The following MCM10 variants were observed in gnomAD, a reference collection of about 807,000 sequenced individuals.
The protein encoded by MCM10 is protein MCM10 homolog.
In MCM10, 91 loss-of-function variants were observed where a neutral mutation model predicts 109.9. That is an observed-to-expected ratio of 0.83 (90% CI 0.70 to 0.99). The LOEUF (loss-of-function observed/expected upper bound fraction) is 0.99. MCM10 is among the 50% of genes least tolerant of loss of function. The probability of loss-of-function intolerance (pLI) is 0.00; values close to 1 mark genes in which losing one functional copy is unlikely to be tolerated. For synonymous variants in MCM10, 380 were observed against 387.2 expected (o/e 0.98, Z 0.22); for missense variants, 1,077 against 1,061.2 (o/e 1.01, Z -0.21).
intron 8 of MCM10, among the ~76,000 whole-genome samples, chr10:13,183,394 G>T (rs1310433192): frequency 6.6e-6 from 1 of 151,902 alleles, no homozygotes. Context: ...AGCCCTGATT[G>T]TGCCACTGCA....
intron 14 of MCM10, 98 bp from the exon 15 acceptor site, chr10:13,197,525 C>T: frequency 9.2e-7 from 1 of 1,081,788 alleles, no homozygotes; most frequent in Non-Finnish European, 1.3e-6. Flanking sequence ...CAGAGAACAG[C>T]CAGAATTCAC....
chr10:13,209,403 T>A lies in MCM10; in HGVS notation c.*93T>A. The A allele has an allele frequency of 2.0e-6, 2 of 981,084 alleles. No individual in the cohort carries two copies. Among genetic ancestry groups the A allele is most frequent in the Non-Finnish European group, 3.2e-6 (2 of 633,252 alleles). The allele number at this position is 981,084 out of a possible 1,614,324, so 60.8% of individuals were successfully genotyped here. A position where few individuals can be genotyped will look rare whatever the true frequency, so the allele number is the denominator to read the frequency against. ...TGTGTATTGTCCATTGATTCCTGAT[T>A]GACGCCGTCAAAAACAAATGCTTGT... On this transcript the variant is annotated 3_prime_UTR_variant, in exon 20 of 20. Coordinates refer to ENST00000378714, the MANE Select transcript of MCM10 (RefSeq NM_018518.5).
rs148825592 is a variant in MCM10, at chr10:13,171,036, C to T, written c.122C>T (p.Ala41Val). 312 of 1,614,186 alleles carry T rather than the reference C, an allele frequency of 1.9e-4. 3 individuals are homozygous for T. The East Asian group carries it at 6.9e-3, about 36-fold the overall frequency. ...ACGCGGGAAAATGGCGAGCCCGACGCATTTGATGAGCTCTTTGATGCCGAC... is the reference window on the plus strand; with the variant it reads ...ACGCGGGAAAATGGCGAGCCCGACGTATTTGATGAGCTCTTTGATGCCGAC... ...FLTRENGEPD[A>V]FDELFDADGD... The change falls in exon 3 of 20, where the codon GCA (alanine) becomes GTA (valine). Residue 41 changes from alanine to valine, a missense_variant. Physicochemically the swap from Ala to Val is moderately conservative, Grantham distance 64. Transcript: ENST00000378714.
intron 18 of MCM10, among the ~76,000 whole-genome samples, chr10:13,205,138 G>A (rs1231330149): frequency 6.6e-6 from 1 of 150,960 alleles, no homozygotes; most frequent in Non-Finnish European, 1.5e-5. Flanking sequence ...TTTTAGTGTA[G>A]CCATCACCTG....
chr10:13,198,837 TGATGTCC>T, intron 16 of MCM10, 30 bp downstream of exon 16: 1 of 1,390,988 alleles, frequency 7.2e-7, no homozygotes. Flanking sequence ...AGGATGGTGT[TGATGTCC>T]GATGTCCTTC....
chr10:13,170,834 A>T, intron 2 of MCM10, 88 bp from the exon 3 acceptor site: 1 of 1,156,646 alleles, frequency 8.6e-7, no homozygotes, highest in Non-Finnish European at 1.2e-6. Context: ...AGTTTCTCTT[A>T]CCCCCATGGG....
At chr10:13,196,973 G>A (rs934842285) in intron 14 of MCM10, among the ~76,000 whole-genome samples, 1 of 152,076 alleles carries the variant, frequency 6.6e-6, no homozygotes, top group Non-Finnish European at 1.5e-5. Context: ...CTCCCAGGCT[G>A]GTGTACAGTG....
rs564717871 is a variant in MCM10 at position 13,201,494 on chromosome 10, A to G, written c.2312A>G (p.Asn771Ser). ...GAACAAATGGAAGAAAAGATGAGAA[A>G]CATCAGAGAAGTGAAGTGCCGTGTC... ...KKEQMEEKMR[N>S]IREVKCRVVT... Residue 771 changes from asparagine (N) to serine (S), a missense_variant, in exon 17 of 20, where the codon AAC (asparagine) becomes AGC (serine). Transcript: ENST00000378714. 6.2e-7 allele frequency: 1 copy of G among 1,612,764 alleles called. No homozygotes were observed. The highest frequency in any genetic ancestry group is 8.5e-7 in the Non-Finnish European group (1 of 1,179,374).
At position 13,192,273 on chromosome 10, in the gene MCM10, T is replaced by C; in HGVS notation, c.1535T>C (p.Leu512Pro). Residue 512 changes from leucine (L) to proline (P), a missense_variant, in exon 12 of 20, where the codon CTG becomes CCG. Coordinates refer to ENST00000378714, the MANE Select transcript of MCM10 (RefSeq NM_018518.5). ...RQKLGIPQKS[L>P]SCSEEFKELM... ...GGCACAGGAATACCCCAGAAGAGCC[T>C]GTCTTGCTCTGAGGAGTTCAAGGAA... The C allele has an allele frequency of 6.2e-7, 1 of 1,613,188 alleles. No homozygotes were observed. The highest frequency in any genetic ancestry group is 1.3e-5 in the African/African-American group (1 of 75,022).
intron 2 of MCM10, 40 bp downstream of exon 2, chr10:13,164,249 A>G: frequency 6.3e-7 from 1 of 1,577,038 alleles, no homozygotes; most frequent in African/African-American, 1.4e-5. Context: ...TTTCAAGGAA[A>G]ACTAACCTTT....
chr10:13,189,399 T>C (rs1015957491), intron 10 of MCM10, among the ~76,000 whole-genome samples: 4 of 151,936 alleles, frequency 2.6e-5, no homozygotes, highest in Non-Finnish European at 1.5e-5. Flanking sequence ...CTCAGCTCAC[T>C]GCAACCTCCA....
intron 2 of MCM10, among the ~76,000 whole-genome samples, chr10:13,168,605 A>G (rs969060718): frequency 6.6e-6 from 1 of 152,076 alleles, no homozygotes; most frequent in Non-Finnish European, 1.5e-5. Flanking sequence ...AATAGGGGGG[A>G]AAAAAGAGCA....
intron 11 of MCM10, 90 bp downstream of exon 11, chr10:13,191,489 C>A (rs561158608): frequency 2.4e-4 from 241 of 984,682 alleles, no homozygotes; most frequent in Non-Finnish European, 3.3e-4. Context: ...ACAGGGTACA[C>A]TGCTCCGGTG....
At chr10:13,185,606 C>A (rs760738949) in intron 8 of MCM10, among the ~76,000 whole-genome samples, 1 of 152,176 alleles carries the variant, frequency 6.6e-6, no homozygotes, top group Non-Finnish European at 1.5e-5. Flanking sequence ...GGATCTATGA[C>A]CTGAGGCTGA....
intron 5 of MCM10, among the ~76,000 whole-genome samples, chr10:13,174,926 C>T (rs1246826191): frequency 2.0e-5 from 3 of 151,582 alleles, no homozygotes; most frequent in Non-Finnish European, 2.9e-5. Flanking sequence ...GTCGGGAGTT[C>T]GAGACCAGCC....
At chr10:13,167,345 C>T (rs1014450947) in intron 2 of MCM10, among the ~76,000 whole-genome samples, 1 of 152,072 alleles carries the variant, frequency 6.6e-6, no homozygotes, top group Non-Finnish European at 1.5e-5. Context: ...GTGGATGAAG[C>T]TGAAGAGCTG....
At chr10:13,202,650 T>C (rs755116285) in intron 17 of MCM10, among the ~76,000 whole-genome samples, 10 of 152,112 alleles carry the variant, frequency 6.6e-5, no homozygotes, top group Non-Finnish European at 1.3e-4. Context: ...ACGTAATCTT[T>C]GGAAGATTAT....
intron 5 of MCM10, among the ~76,000 whole-genome samples, chr10:13,174,512 G>A (rs1438704341): frequency 6.6e-6 from 1 of 152,118 alleles, no homozygotes; most frequent in Non-Finnish European, 1.5e-5. Flanking sequence ...TCTGTATCTT[G>A]ATGAATATTC....
chr10:13,177,545 A>G (rs922422707), intron 6 of MCM10, among the ~76,000 whole-genome samples: 3 of 118,492 alleles, frequency 2.5e-5, no homozygotes, highest in Non-Finnish European at 5.0e-5. Context: ...CTATTAACTC[A>G]TTGTTACAGA....
Sources: allele counts gnomAD v4.1 joint callset (sites outside exome capture counted in the v4.1 genomes callset), GRCh38; gene constraint gnomAD v4.1.1; transcripts MANE v1.5; gene names NCBI Gene and HGNC (gene_info 2026-07-23, HGNC 2026-07-21).